DGLUCY: variants seen among roughly 807,000 people sequenced by gnomAD.
DGLUCY encodes the protein D-glutamate cyclase.
In DGLUCY, 58 loss-of-function variants were observed where a neutral mutation model predicts 58.5. The observed-to-expected ratio is 0.99, with a 90% CI of 0.80 to 1.23. DGLUCY has a LOEUF of 1.23. Ranked by LOEUF, DGLUCY falls within the 50% of genes most tolerant of loss-of-function variation. The pLI is 0.00. For missense variants in DGLUCY, 779 were observed against 784.7 expected (o/e 0.99, Z 0.09); for synonymous variants, 325 against 314.1 (o/e 1.03, Z -0.37).
intron 1 of DGLUCY, among the ~76,000 whole-genome samples, chr14:91,076,179 C>T (rs1269727251): frequency 6.6e-6 from 1 of 151,748 alleles, no homozygotes; most frequent in Non-Finnish European, 1.5e-5. Context: ...TAAGAGAAGA[C>T]AGACATAGAA....
intron 1 of DGLUCY, among the ~76,000 whole-genome samples, chr14:91,062,568 T>TAC (rs2043737305): frequency 8.1e-5 from 1 of 12,280 alleles, no homozygotes; most frequent in African/African-American, 4.0e-4. Flanking sequence ...AATATATATA[T>TAC]ATATATATAT....
intron 12 of DGLUCY, among the ~76,000 whole-genome samples, chr14:91,214,128 C>T (rs183895153): frequency 6.6e-6 from 1 of 152,038 alleles, no homozygotes; most frequent in Admixed American, 6.6e-5. Flanking sequence ...TTAAATGACC[C>T]CTTTTCTATG....
chr14:91,078,681 G>A (rs1453469703), intron 1 of DGLUCY, among the ~76,000 whole-genome samples: 1 of 152,086 alleles, frequency 6.6e-6, no homozygotes, highest in Non-Finnish European at 1.5e-5. Context: ...CAAGAACTGT[G>A]CCACATTGAA....
intron 1 of DGLUCY, among the ~76,000 whole-genome samples, chr14:91,129,855 C>G (rs1216630327): frequency 1.3e-5 from 2 of 152,132 alleles, no homozygotes; most frequent in Non-Finnish European, 1.5e-5. Context: ...CCATATTGGT[C>G]AGGCTAGTCT....
chr14:91,064,397 G>A (rs1318149649), intron 1 of DGLUCY, among the ~76,000 whole-genome samples: 3 of 152,058 alleles, frequency 2.0e-5, no homozygotes, highest in Non-Finnish European at 4.4e-5. Flanking sequence ...TTGGGACGCT[G>A]AGATGGGCAG....
intron 1 of DGLUCY, among the ~76,000 whole-genome samples, chr14:91,089,820 CAAAA>C (rs796803760): frequency 1.1e-5 from 1 of 92,858 alleles, no homozygotes; most frequent in Non-Finnish European, 2.3e-5. Context: ...GACTCTGTCT[CAAAA>C]AAAAAAAAAG....
At chr14:91,190,639 A>C (rs2049825788) in intron 9 of DGLUCY, among the ~76,000 whole-genome samples, 1 of 152,068 alleles carries the variant, frequency 6.6e-6, no homozygotes, top group Non-Finnish European at 1.5e-5. Flanking sequence ...GGCAGAGGTC[A>C]TTAGGTGGAG....
rs1394801864 is a variant in DGLUCY at position 91,193,853 on chromosome 14, A to AG, written c.1196-2522_1196-2521insG. Among the ~76,000 whole-genome samples the AG allele has an allele frequency of 5.9e-5, 9 of 152,004 alleles. No homozygotes were observed. The East Asian group carries it at 1.2e-3, about 20-fold the overall frequency. ...TGATATTCCATCTTAGAAAAAAAAA[A>AG]AAAAAAAAGGAGTTTTAAAGCTGAC... On this transcript the variant is annotated intron_variant, in intron 9 of 13. Transcript: ENST00000256324.
intron 1 of DGLUCY, among the ~76,000 whole-genome samples, chr14:91,099,557 G>A (rs2044451172): frequency 6.7e-6 from 1 of 148,922 alleles, no homozygotes; most frequent in Non-Finnish European, 1.5e-5. Flanking sequence ...GCCCTTCGCT[G>A]ATAAGCATAA....
intron 1 of DGLUCY, among the ~76,000 whole-genome samples, chr14:91,079,513 C>T (rs2044089134): frequency 6.6e-6 from 1 of 152,058 alleles, no homozygotes; most frequent in African/African-American, 2.4e-5. Context: ...GCCACCCCAC[C>T]CGGCTAGTTT....
chr14:91,065,184 C>T (rs928415232), intron 1 of DGLUCY, among the ~76,000 whole-genome samples: 1 of 152,128 alleles, frequency 6.6e-6, no homozygotes, highest in Admixed American at 6.6e-5. Flanking sequence ...TTGGAACAGC[C>T]ACTATGAGAA....
chr14:91,160,405 G>A lies in DGLUCY; in HGVS notation c.103+8G>A. 8.1e-7 allele frequency: 1 copy of A among 1,233,018 alleles called. No homozygotes were observed. Among genetic ancestry groups the A allele is most frequent in the Non-Finnish European group, 1.1e-6 (1 of 876,108 alleles). 76.4% of individuals were successfully genotyped at this position (1,233,018 alleles called of 1,614,324 possible). A position where few individuals can be genotyped will look rare whatever the true frequency, so the allele number is the denominator to read the frequency against. On this transcript the variant is annotated splice_region_variant and intron_variant, in intron 3 of 13. Coordinates refer to ENST00000256324, the MANE Select transcript of DGLUCY (RefSeq NM_001102368.3). ...CATCCAGCATGGCTGGAGGTAAGTG[G>A]TGCCAGATAGTTAAAAAAAAAAAAA... is the stretch of plus-strand genomic sequence containing the variant.
At chr14:91,128,560 T>TA (rs2045857623) in intron 1 of DGLUCY, among the ~76,000 whole-genome samples, 3 of 151,970 alleles carry the variant, frequency 2.0e-5, no homozygotes, top group African/African-American at 7.2e-5. Flanking sequence ...TATTAGCCTA[T>TA]ATAACTGGGA....
rs1029245891 is a variant in DGLUCY at position 91,188,983 on chromosome 14, C to G, written c.1008C>G (p.Arg336=). Residue 336 remains arginine (R), a synonymous_variant, in exon 9 of 14, where the codon CGC becomes CGG. Coordinates refer to ENST00000256324, the MANE Select transcript of DGLUCY (RefSeq NM_001102368.3). ...CCTCTCTCTCGCTGTCCCATGCCCG[C>G]TCAGTGCTCATCACCACTGGGTTCC... ...LKASLSLSHA[R]SVLITTGFPT... 1.2e-6 allele frequency: 2 copies of G among 1,614,066 alleles called. No homozygotes were observed. The highest frequency in any genetic ancestry group is 1.7e-6 in the Non-Finnish European group (2 of 1,180,044).
At chr14:91,088,939 G>C (rs1263449278) in intron 1 of DGLUCY, among the ~76,000 whole-genome samples, 1 of 152,174 alleles carries the variant, frequency 6.6e-6, no homozygotes, top group Non-Finnish European at 1.5e-5. Flanking sequence ...ATCTCTCTGT[G>C]GAAACTAAAG....
At chr14:91,121,665 AACTC>A (rs2045374976) in intron 1 of DGLUCY, among the ~76,000 whole-genome samples, 1 of 150,708 alleles carries the variant, frequency 6.6e-6, no homozygotes, top group Non-Finnish European at 1.5e-5. Context: ...TTCAAGAACA[AACTC>A]AACTAATGTC....
chr14:91,202,058 A>AAATAATAATAATAATAATAATAATAGT (rs2050600342), intron 11 of DGLUCY, among the ~76,000 whole-genome samples: 10 of 142,576 alleles, frequency 7.0e-5, no homozygotes, highest in African/African-American at 2.6e-4. Flanking sequence ...TCTGTCTCAA[A>AAATAATAATAATAATAATAATAATAGT]AATAATAATA....
intron 1 of DGLUCY, among the ~76,000 whole-genome samples, chr14:91,091,796 G>T (rs2044316283): frequency 6.6e-6 from 1 of 152,062 alleles, no homozygotes; most frequent in Non-Finnish European, 1.5e-5. Flanking sequence ...ACTGTATCCG[G>T]GAATGAACAT....
At chr14:91,086,021 C>T (rs1004496988) in intron 1 of DGLUCY, among the ~76,000 whole-genome samples, 3 of 152,152 alleles carry the variant, frequency 2.0e-5, no homozygotes, top group Non-Finnish European at 4.4e-5. Context: ...CTGAGCTCTG[C>T]CTCCTGTCAG....
Sources: allele counts gnomAD v4.1 joint callset (sites outside exome capture counted in the v4.1 genomes callset), GRCh38; gene constraint gnomAD v4.1.1; transcripts MANE v1.5; gene names NCBI Gene and HGNC (gene_info 2026-07-23, HGNC 2026-07-21).